The following EDNRB variants were observed in gnomAD, a reference collection of about 807,000 sequenced individuals.
EDNRB encodes Hirschsprung disease 2.
EDNRB carries 18 observed loss-of-function variants against 46.4 expected under a neutral mutation model. That is an observed-to-expected ratio of 0.39 (90% CI 0.27 to 0.57). EDNRB has a LOEUF of 0.57. EDNRB is among the 20% of genes least tolerant of loss of function. The pLI is 0.61. For missense variants in EDNRB, 434 were observed against 537.5 expected, an observed-to-expected ratio of 0.81 and a Z score of 1.90; for synonymous variants, 213 against 204.9, an observed-to-expected ratio of 1.04 and a Z score of -0.34.
At chr13:77,940,498 C>G (rs533991229) in intron 1 of EDNRB, among the ~76,000 whole-genome samples, 14 of 152,098 alleles carry the variant, frequency 9.2e-5, no homozygotes, top group African/African-American at 3.1e-4. Context: ...CTCAGAATGC[C>G]TGGAATGGCA....
intron 1 of EDNRB, among the ~76,000 whole-genome samples, chr13:77,908,043 A>AG (rs1198545980): frequency 0.021 from 1,506 of 72,560 alleles, 14 homozygotes; most frequent in Middle Eastern, 0.041. Context: ...AAAAAAAAAA[A>AG]AGAGAGAGAG....
At chr13:77,945,876 C>CAAAAAAAAAAAAA (rs67463440) in intron 1 of EDNRB, among the ~76,000 whole-genome samples, 24 of 115,562 alleles carry the variant, frequency 2.1e-4, no homozygotes, top group African/African-American at 2.6e-4. Flanking sequence ...TGCAAAAAAC[C>CAAAAAAAAAAAAA]AAAAAAAAAA....
intron 1 of EDNRB, among the ~76,000 whole-genome samples, chr13:77,943,924 T>G (rs1464191771): frequency 6.6e-6 from 1 of 152,028 alleles, no homozygotes; most frequent in Non-Finnish European, 1.5e-5. Context: ...TCTTTCATAT[T>G]GAAATAAATT....
chr13:77,914,257 C>T lies in EDNRB; in HGVS notation c.483+3834G>A, dbSNP rs1031931145. Among the ~76,000 whole-genome samples, 11 of 152,102 alleles carry T rather than the reference C, an allele frequency of 7.2e-5. 1 individual carries two copies. The highest frequency in any genetic ancestry group is 3.9e-4 in the East Asian group (2 of 5,192). On this transcript the variant is annotated intron_variant, in intron 1 of 6. Transcript: ENST00000646607. ...ATGTCGTTTGTAGTCATGTTTGTCA[C>T]GACAAAAGCTGGAAAACAAAGAATA...
chr13:77,898,217 T>C lies in EDNRB; in HGVS notation c.1312A>G (p.Lys438Glu). ...TTCTTCTTTCAAGATGAGCTGTATT[T>C]ATTACTGGAACGGAAGTTGTCATAT... The part of the protein sequence containing the change: ...HGYDNFRSSN[K>E]YSSS Residue 438 changes from lysine (K) to glutamate (E), a missense_variant, in exon 7 of 7, where the codon AAA (lysine) becomes GAA (glutamate). Lys to Glu is a moderately conservative substitution (Grantham distance 56). Transcript: ENST00000646607. 6.2e-7 allele frequency: 1 copy of C among 1,611,860 alleles called. No individual in the cohort carries two copies. The highest frequency in any genetic ancestry group is 8.5e-7 in the Non-Finnish European group (1 of 1,178,682).
At chr13:77,930,393 CA>C (rs1350131628) in intron 1 of EDNRB, among the ~76,000 whole-genome samples, 9 of 152,176 alleles carry the variant, frequency 5.9e-5, no homozygotes, top group African/African-American at 2.2e-4. Context: ...AAGCTACTTT[CA>C]GAGAGGGTTA....
chr13:77,905,976 T>A (rs1879254559), intron 1 of EDNRB, among the ~76,000 whole-genome samples: 1 of 151,952 alleles, frequency 6.6e-6, no homozygotes, highest in South Asian at 2.1e-4. Context: ...TTTCAAGAGA[T>A]CACTGTTGCT....
chr13:77,940,700 G>GATATGT (rs906671179), intron 1 of EDNRB, among the ~76,000 whole-genome samples: 1,839 of 149,170 alleles, frequency 0.012, 36 homozygotes, highest in Non-Finnish European at 0.016. Context: ...AGATGAATTG[G>GATATGT]GTGTGTGTGT....
intron 1 of EDNRB, among the ~76,000 whole-genome samples, chr13:77,914,835 T>C (rs181395720): frequency 6.6e-6 from 1 of 152,320 alleles, no homozygotes. Flanking sequence ...CAATAAGAGC[T>C]ATGACATTTT....
At chr13:77,910,737 A>G (rs1010224947) in intron 1 of EDNRB, among the ~76,000 whole-genome samples, 2 of 151,992 alleles carry the variant, frequency 1.3e-5, no homozygotes, top group Non-Finnish European at 2.9e-5. Context: ...CAATAAGTAC[A>G]GTGCCCCCTA....
intron 1 of EDNRB, among the ~76,000 whole-genome samples, chr13:77,929,727 G>C (rs1167944690): frequency 3.4e-4 from 52 of 152,190 alleles, no homozygotes; most frequent in Admixed American, 3.1e-3. Context: ...GTCTGGGAAA[G>C]AGGAGAGCAT....
intron 1 of EDNRB, among the ~76,000 whole-genome samples, chr13:77,958,615 C>A (rs1282495196): frequency 6.6e-6 from 1 of 152,082 alleles, no homozygotes; most frequent in East Asian, 1.9e-4. Flanking sequence ...ACCTTGGAAC[C>A]CGCCTGCCTC....
At chr13:77,933,507 G>A (rs1880463700) in intron 1 of EDNRB, among the ~76,000 whole-genome samples, 1 of 152,096 alleles carries the variant, frequency 6.6e-6, no homozygotes, top group Non-Finnish European at 1.5e-5. Flanking sequence ...AGTTAAGGCA[G>A]GAACAGGCCA....
chr13:77,907,136 C>CCACTGGT (rs1879321844), intron 1 of EDNRB, among the ~76,000 whole-genome samples: 1 of 151,974 alleles, frequency 6.6e-6, no homozygotes, highest in Non-Finnish European at 1.5e-5. Flanking sequence ...ACTTGACCAG[C>CCACTGGT]CACTGGTTGC....
At chr13:77,945,141 C>T (rs540369592) in intron 1 of EDNRB, among the ~76,000 whole-genome samples, 15 of 152,204 alleles carry the variant, frequency 9.9e-5, no homozygotes, top group African/African-American at 3.6e-4. Context: ...CAATTTCAGT[C>T]TCAGGGTTGC....
chr13:77,913,690 A>G (rs950878426), intron 1 of EDNRB, among the ~76,000 whole-genome samples: 1 of 152,154 alleles, frequency 6.6e-6, no homozygotes, highest in African/African-American at 2.4e-5. Context: ...AGTTTTGTTA[A>G]ATATCATTGC....
chr13:77,930,337 A>G (rs959465451), intron 1 of EDNRB, among the ~76,000 whole-genome samples: 1 of 152,212 alleles, frequency 6.6e-6, no homozygotes, highest in Admixed American at 6.5e-5. Context: ...TGTTTATTTC[A>G]AGAAGTTCTT....
rs1352720092 is a variant in EDNRB, at chr13:77,901,132, A to G, written c.877T>C (p.Tyr293His). 6.2e-7 allele frequency: 1 copy of G among 1,611,224 alleles called. No individual in the cohort carries two copies. Among genetic ancestry groups the G allele is most frequent in the Non-Finnish European group, 8.5e-7 (1 of 1,178,306 alleles). Reference sequence around the variant, plus strand: ...AACATTTCACAGGTCATTAGTGTATAAAAAAATGCAGTGATGGCCAATGGC... The same window carrying G: ...AACATTTCACAGGTCATTAGTGTATGAAAAAATGCAGTGATGGCCAATGGC... ...CLPLAITAFF[Y>H]TLMTCEMLRK... The change falls in exon 4 of 7, where the codon TAT becomes CAT. Residue 293 changes from tyrosine to histidine, a missense_variant. Physicochemically the swap from Tyr to His is moderately conservative, Grantham distance 83 (BLOSUM62 2). Transcript: ENST00000646607.
At chr13:77,912,362 C>T (rs150903279) in intron 1 of EDNRB, among the ~76,000 whole-genome samples, 131 of 152,142 alleles carry the variant, frequency 8.6e-4, no homozygotes, top group African/African-American at 3.1e-3. Context: ...TGCTTACTGA[C>T]CATTTTGTCA....
Sources: allele counts gnomAD v4.1 joint callset (sites outside exome capture counted in the v4.1 genomes callset), GRCh38; gene constraint gnomAD v4.1.1; transcripts MANE v1.5; gene names NCBI Gene and HGNC (gene_info 2026-07-23, HGNC 2026-07-21).